LMBRD1: variants seen among roughly 807,000 people sequenced by gnomAD.
The protein encoded by LMBRD1 is lysosomal cobalamin transport escort protein LMBD1.
Under a neutral mutation model 74.8 loss-of-function variants are expected in LMBRD1, and 64 were observed. The observed-to-expected ratio is 0.86, with a 90% CI of 0.70 to 1.05. The LOEUF is 1.05. Ranked by LOEUF, LMBRD1 falls within the 50% of genes least tolerant of loss-of-function variation. The pLI is 0.00. For missense variants in LMBRD1, 652 were observed against 645.9 expected (o/e 1.01, Z -0.10); for synonymous variants, 204 against 216.3 (o/e 0.94, Z 0.50).
At chr6:69,790,795 T>C in intron 1 of LMBRD1, 1 of 350,692 alleles carries the variant, frequency 2.9e-6, no homozygotes, top group South Asian at 2.5e-5. Flanking sequence ...TTTTTTTCCC[T>C]GTAGATTTTT....
intron 13 of LMBRD1, 61 bp from the exon 14 acceptor site, chr6:69,697,702 A>T: frequency 2.0e-6 from 2 of 993,742 alleles, no homozygotes; most frequent in Non-Finnish European, 3.2e-6. Context: ...TTTGGATTTA[A>T]AAAGTAATCA....
At chr6:69,738,133 T>C in intron 6 of LMBRD1, 118 bp from the exon 7 acceptor site, 1 of 707,768 alleles carries the variant, frequency 1.4e-6, no homozygotes, top group South Asian at 1.8e-5. Context: ...AAAACCAATA[T>C]GTATTACCGT....
intron 4 of LMBRD1, among the ~76,000 whole-genome samples, chr6:69,751,328 C>CTT (rs765182820): frequency 2.1e-5 from 3 of 144,032 alleles, no homozygotes; most frequent in East Asian, 2.0e-4. Flanking sequence ...AAAGTCGGTC[C>CTT]TTTTTTTTTT....
rs375755514 is a variant in LMBRD1, at chr6:69,676,154, G to C, written c.*4C>G. ...CATTATAAAACCTTTAAGACAGAAG[G>C]CTGTCAAGCAGAATAGACAGAGGGC... On this transcript the variant is annotated 3_prime_UTR_variant, in exon 16 of 16. Transcript: ENST00000649934. The C allele has an allele frequency of 8.1e-6, 13 of 1,597,866 alleles. No individual in the cohort carries two copies. The African/African-American group carries it at 1.7e-4, about 21-fold the overall frequency.
intron 14 of LMBRD1, among the ~76,000 whole-genome samples, chr6:69,680,502 A>T (rs1381880189): frequency 6.6e-6 from 1 of 152,102 alleles, no homozygotes; most frequent in Admixed American, 6.6e-5. Flanking sequence ...TGACATTTTA[A>T]ATTGGCTTAT....
chr6:69,782,183 T>C (rs1038411434), intron 2 of LMBRD1, among the ~76,000 whole-genome samples: 2 of 152,194 alleles, frequency 1.3e-5, no homozygotes, highest in Non-Finnish European at 1.5e-5. Context: ...TATTAGTACA[T>C]AGATAGTTTA....
At chr6:69,778,451 T>C (rs1765752303) in intron 3 of LMBRD1, among the ~76,000 whole-genome samples, 1 of 152,220 alleles carries the variant, frequency 6.6e-6, no homozygotes, top group Non-Finnish European at 1.5e-5. Flanking sequence ...TGAAAAAGCC[T>C]GCATGAATTA....
chr6:69,705,243 GAAGT>G (rs997562625), intron 9 of LMBRD1: 15 of 678,268 alleles, frequency 2.2e-5, no homozygotes, highest in South Asian at 9.8e-5. Context: ...CTACAGAAAT[GAAGT>G]AAGACAGAAA....
At chr6:69,708,481 G>A (rs1249116599) in intron 9 of LMBRD1, among the ~76,000 whole-genome samples, 1 of 152,112 alleles carries the variant, frequency 6.6e-6, no homozygotes, top group African/African-American at 2.4e-5. Flanking sequence ...TTAAGAATGA[G>A]AAAAGTGAGG....
intron 9 of LMBRD1, among the ~76,000 whole-genome samples, chr6:69,703,155 C>T (rs1477592750): frequency 1.3e-5 from 2 of 151,996 alleles, no homozygotes; most frequent in African/African-American, 4.8e-5. Context: ...AAAAGGGTTT[C>T]ATTGCAAAAG....
intron 1 of LMBRD1, among the ~76,000 whole-genome samples, chr6:69,791,035 T>C (rs1766070755): frequency 6.6e-6 from 1 of 152,194 alleles, no homozygotes; most frequent in Non-Finnish European, 1.5e-5. Flanking sequence ...AATGGATACA[T>C]GTGCACAGCA....
chr6:69,688,401 GA>G (rs111943962), intron 14 of LMBRD1, among the ~76,000 whole-genome samples: 3 of 149,028 alleles, frequency 2.0e-5, no homozygotes, highest in African/African-American at 4.9e-5. Context: ...GAAGGGCAGA[GA>G]TTTTTTTTTT....
intron 14 of LMBRD1, among the ~76,000 whole-genome samples, chr6:69,692,616 A>G (rs1034709831): frequency 6.6e-6 from 1 of 152,160 alleles, no homozygotes; most frequent in Admixed American, 6.5e-5. Context: ...CCTGGTTAAT[A>G]CAGGTTTTTT....
intron 14 of LMBRD1, among the ~76,000 whole-genome samples, chr6:69,680,358 T>C (rs1765634667): frequency 6.6e-6 from 1 of 152,170 alleles, no homozygotes; most frequent in South Asian, 2.1e-4. Flanking sequence ...TCCATACTTA[T>C]GATATTTTGG....
chr6:69,719,597 A>G (rs1052138708), intron 7 of LMBRD1, among the ~76,000 whole-genome samples: 2 of 152,168 alleles, frequency 1.3e-5, no homozygotes, highest in Non-Finnish European at 2.9e-5. Flanking sequence ...ATATTTTCCA[A>G]GTAATTTTAA....
intron 6 of LMBRD1, among the ~76,000 whole-genome samples, chr6:69,740,404 T>C (rs975880055): frequency 4.6e-5 from 7 of 152,114 alleles, no homozygotes; most frequent in Non-Finnish European, 5.9e-5. Flanking sequence ...ACTTATGAAA[T>C]AATGTTTAGG....
intron 8 of LMBRD1, among the ~76,000 whole-genome samples, chr6:69,714,736 G>A (rs1766454684): frequency 6.6e-6 from 1 of 151,992 alleles, no homozygotes; most frequent in African/African-American, 2.4e-5. Flanking sequence ...CTATAATGCA[G>A]AGAAAACCTA....
At chr6:69,691,577 C>A (rs1416698573) in intron 14 of LMBRD1, among the ~76,000 whole-genome samples, 1 of 151,938 alleles carries the variant, frequency 6.6e-6, no homozygotes, top group Non-Finnish European at 1.5e-5. Context: ...CACTTGTTAC[C>A]TAAAGAAAGA....
At chr6:69,727,592 C>G (rs1419802110) in intron 7 of LMBRD1, among the ~76,000 whole-genome samples, 1 of 152,142 alleles carries the variant, frequency 6.6e-6, no homozygotes. Context: ...CTACTGGGTA[C>G]AACATTCACA....
Sources: allele counts gnomAD v4.1 joint callset (sites outside exome capture counted in the v4.1 genomes callset), GRCh38; gene constraint gnomAD v4.1.1; transcripts MANE v1.5; gene names NCBI Gene and HGNC (gene_info 2026-07-23, HGNC 2026-07-21).